ZNF107: variants seen among roughly 807,000 people sequenced by gnomAD.
ZNF107 encodes zinc finger protein 107, also known as C2H2 type zinc-finger protein.
ZNF107 carries 19 observed loss-of-function variants against 12.3 expected under a neutral mutation model. That is an observed-to-expected ratio of 1.55 (90% CI 1.08 to 2.27). The LOEUF (loss-of-function observed/expected upper bound fraction) is 2.27. ZNF107 is among the 30% of genes most tolerant of loss of function. The probability of loss-of-function intolerance (pLI) is 0.00; values close to 1 mark genes in which losing one functional copy is unlikely to be tolerated. For missense variants in ZNF107, 958 were observed against 979.9 expected (o/e 0.98, Z 0.30); for synonymous variants, 317 against 330.5 (o/e 0.96, Z 0.44).
intron 1 of ZNF107, chr7:64,679,262 T>C (rs1171070335): frequency 1.0e-6 from 1 of 985,066 alleles, no homozygotes; most frequent in African/African-American, 1.7e-5. Flanking sequence ...TTCCCCCGAC[T>C]TCTTGAAGAG....
Position 64,691,276 on chromosome 7 carries a change from T to C in ZNF107, c.32T>C (p.Ile11Thr), listed in dbSNP as rs1790108781. 3.2e-6 allele frequency: 5 copies of C among 1,546,166 alleles called. No homozygotes were observed. The highest frequency in any genetic ancestry group is 1.4e-5 in the African/African-American group (1 of 71,882). MEPLTFKDVA[I>T]EFSLEEWQCL... ...CCACTGACATTTAAAGATGTCGCCA[T>C]AGAATTCTCTCTGGAGGAGTGGCAA... The change falls in exon 2 of 4, where the codon ATA (isoleucine) becomes ACA (threonine). Residue 11 changes from isoleucine to threonine, a missense_variant. Ile to Thr is a moderately conservative substitution (Grantham distance 89, BLOSUM62 -1). Transcript: ENST00000620827.
Position 64,708,999 on chromosome 7 carries a change from T to C in ZNF107, c.*343T>C. The C allele has an allele frequency of 2.2e-6, 1 of 454,294 alleles. No individual in the cohort carries two copies. Among genetic ancestry groups the C allele is most frequent in the Non-Finnish European group, 4.2e-6 (1 of 237,554 alleles). The allele number at this position is 454,294 out of a possible 1,614,324, so 28.1% of individuals were successfully genotyped here. A position where few individuals can be genotyped will look rare whatever the true frequency, so the allele number is the denominator to read the frequency against. ...ATGTGGCAATGCCTTTAATCAGTCC[T>C]CACACCTTTCTACACATAAGATAAT... is the stretch of plus-strand genomic sequence containing the variant. On this transcript the variant is annotated 3_prime_UTR_variant, in exon 4 of 4. Transcript: ENST00000620827.
intron 3 of ZNF107, among the ~76,000 whole-genome samples, chr7:64,702,414 C>T (rs564592939): frequency 2.1e-4 from 32 of 152,262 alleles, no homozygotes; most frequent in Middle Eastern, 6.8e-3. Flanking sequence ...GGATTACAGG[C>T]GTGAGCCACC....
At position 64,666,173 on chromosome 7, in the gene ZNF107, C is replaced by T. The variant is rs73361866; in HGVS notation, c.-110C>T. 0.013 allele frequency: 18,551 copies of T among 1,457,784 alleles called. 1,105 individuals carry two copies. In the African/African-American group the frequency reaches 0.14, roughly 11 times the overall value. 90.3% of individuals were successfully genotyped at this position (1,457,784 alleles called of 1,614,324 possible). A position where few individuals can be genotyped will look rare whatever the true frequency, so the allele number is the denominator to read the frequency against. On this transcript the variant is annotated 5_prime_UTR_variant, in exon 1 of 4. Coordinates refer to ENST00000620827, the MANE Select transcript of ZNF107 (RefSeq NM_001282359.2). Reference sequence around the variant, plus strand: ...TGCAGCCGGAGCTCCTGCTCTCCTCCTCACTGCTCAGTGTCCTCTGCTCCT... The same window carrying T: ...TGCAGCCGGAGCTCCTGCTCTCCTCTTCACTGCTCAGTGTCCTCTGCTCCT...
rs1790799413 is a variant in ZNF107 at position 64,709,061 on chromosome 7, TG to T, written c.*407del. On this transcript the variant is annotated 3_prime_UTR_variant, in exon 4 of 4. Coordinates refer to ENST00000620827, the MANE Select transcript of ZNF107 (RefSeq NM_001282359.2). The stretch of plus-strand genomic sequence containing the variant: ...AGGAACTCTATAGTTGTGAAGAATG[TG>T]GCAAAGCTTTTAACCAATCCTCATA... 2.2e-6 allele frequency: 1 copy of T among 461,618 alleles called. No homozygotes were observed. The highest frequency in any genetic ancestry group is 2.0e-5 in the African/African-American group (1 of 49,724). 28.6% of individuals were successfully genotyped at this position (461,618 alleles called of 1,614,324 possible). A position where few individuals can be genotyped will look rare whatever the true frequency, so the allele number is the denominator to read the frequency against.
Position 64,708,211 on chromosome 7 carries a change from A to G in ZNF107, c.2114A>G (p.Tyr705Cys), listed in dbSNP as rs773365640. ...HKRIHTGEKP[Y>C]QCAECGKAFN... is the part of the protein sequence containing the mutation. ...AGAATTCATACGGGAGAGAAACCTT[A>G]CCAATGTGCAGAATGTGGCAAAGCC... Residue 705 changes from tyrosine to cysteine, a missense_variant, in exon 4 of 4, where the codon TAC (tyrosine) becomes TGC (cysteine). Transcript: ENST00000620827. 1 of 1,613,358 alleles carries G rather than the reference A, an allele frequency of 6.2e-7. No individual in the cohort carries two copies. The highest frequency in any genetic ancestry group is 1.1e-5 in the South Asian group (1 of 91,004).
intron 1 of ZNF107, 141 bp downstream of exon 1, chr7:64,666,426 G>C: frequency 8.5e-7 from 1 of 1,178,462 alleles, no homozygotes. Flanking sequence ...AGTCCCCCGC[G>C]GCCCCGAGTT....
chr7:64,668,997 A>ATT lies in ZNF107; in HGVS notation c.3+2747_3+2748dup, dbSNP rs55942111. On this transcript the variant is annotated intron_variant, in intron 1 of 3. Transcript: ENST00000620827. Reference sequence around the variant, plus strand: ...ATCTTGATTTGTGAGGATAACGCTAATTTTTTTTTTTTTTTTTTTTTTTTT... The same window carrying ATT: ...ATCTTGATTTGTGAGGATAACGCTAATTTTTTTTTTTTTTTTTTTTTTTTTTT... 3.3e-4 allele frequency: 19 copies of ATT among 57,644 alleles called. 1 individual carries two copies. Among genetic ancestry groups the ATT allele is most frequent in the Non-Finnish European group, 4.7e-4 (16 of 34,012 alleles). The allele number at this position is 57,644 out of a possible 1,614,324, so 3.6% of individuals were successfully genotyped here.
intron 1 of ZNF107, chr7:64,686,556 G>A: frequency 1.0e-6 from 1 of 985,394 alleles, no homozygotes. Flanking sequence ...CAAAAAGACA[G>A]GAATGTCATA....
At chr7:64,691,647 C>T (rs774074420) in intron 2 of ZNF107, among the ~76,000 whole-genome samples, 3 of 152,100 alleles carry the variant, frequency 2.0e-5, no homozygotes, top group Non-Finnish European at 2.9e-5. Flanking sequence ...TTGTTGCCCA[C>T]GCCTTAAAAT....
Position 64,691,964 on chromosome 7 carries a change from G to A in ZNF107, c.226+4G>A, listed in dbSNP as rs1306930529. On this transcript the variant is annotated splice_donor_region_variant and intron_variant, in intron 3 of 3. Transcript: ENST00000620827. The stretch of plus-strand genomic sequence containing the variant: ...GAGATGGTAGCCAAACCCCCAGGTA[G>A]GTGAGAGTGAAAGTGAATACAACAG... The A allele has an allele frequency of 6.7e-7, 1 of 1,499,006 alleles. No individual in the cohort carries two copies. Among genetic ancestry groups the A allele is most frequent in the Non-Finnish European group, 8.9e-7 (1 of 1,123,136 alleles). 92.9% of individuals were successfully genotyped at this position (1,499,006 alleles called of 1,614,324 possible).
intron 3 of ZNF107, among the ~76,000 whole-genome samples, chr7:64,694,774 CTG>C (rs1450710778): frequency 1.3e-5 from 2 of 152,032 alleles, no homozygotes; most frequent in African/African-American, 2.4e-5. Flanking sequence ...TGATGTCACT[CTG>C]TATACATTTT....
At chr7:64,670,086 C>T (rs532688079) in intron 1 of ZNF107, among the ~76,000 whole-genome samples, 22 of 152,058 alleles carry the variant, frequency 1.4e-4, no homozygotes, top group Non-Finnish European at 2.6e-4. Context: ...ATGCAGTTAA[C>T]GTTAAGATGG....
intron 1 of ZNF107, among the ~76,000 whole-genome samples, chr7:64,678,272 G>A (rs1156641114): frequency 6.6e-6 from 1 of 152,138 alleles, no homozygotes; most frequent in Admixed American, 6.5e-5. Context: ...TAGCAGTACT[G>A]AATAATGAGG....
Position 64,693,655 on chromosome 7 carries a change from G to A in ZNF107, c.226+1695G>A, listed in dbSNP as rs572333161. ...GGATAGACTGAATGTCCTTCAGGAT[G>A]TTGCTCTGCAGGGCAGATATTAGGG... On this transcript the variant is annotated intron_variant, in intron 3 of 3. Coordinates refer to ENST00000620827, the MANE Select transcript of ZNF107 (RefSeq NM_001282359.2). Among the ~76,000 whole-genome samples, 7 of 152,258 alleles carry A rather than the reference G, an allele frequency of 4.6e-5. No individual in the cohort carries two copies. In the East Asian group the frequency reaches 9.7e-4, roughly 21 times the overall value.
Position 64,672,402 on chromosome 7 carries a change from G to A in ZNF107, c.3+6117G>A, listed in dbSNP as rs1451998851. On this transcript the variant is annotated intron_variant, in intron 1 of 3. Transcript: ENST00000620827. ...GACAGGGTCTCATCTTGTCACACAG[G>A]CTGAAGTGCAGTGGTGTGATCTTGG... Among the ~76,000 whole-genome samples, 5 of 152,018 alleles carry A rather than the reference G, an allele frequency of 3.3e-5. No homozygotes were observed. In the East Asian group the frequency reaches 5.8e-4, roughly 18 times the overall value.
intron 1 of ZNF107, among the ~76,000 whole-genome samples, chr7:64,681,704 C>A (rs1039126873): frequency 6.6e-6 from 1 of 152,076 alleles, no homozygotes; most frequent in African/African-American, 2.4e-5. Flanking sequence ...GCCTTTTTAC[C>A]CACTTTTTAC....
intron 1 of ZNF107, among the ~76,000 whole-genome samples, chr7:64,679,502 A>G (rs1159617446): frequency 6.6e-6 from 1 of 152,130 alleles, no homozygotes; most frequent in African/African-American, 2.4e-5. Flanking sequence ...CCACTCATCC[A>G]CTGCACAACC....
chr7:64,700,241 G>A (rs1428898615), intron 3 of ZNF107, among the ~76,000 whole-genome samples: 1 of 151,878 alleles, frequency 6.6e-6, no homozygotes, highest in Non-Finnish European at 1.5e-5. Context: ...TGGGCCATGG[G>A]GCCAACTTCC....
Sources: gnomAD v4.1 joint callset for allele counts (sites outside exome capture counted in the v4.1 genomes callset) on GRCh38, gnomAD v4.1.1 for gene constraint, MANE v1.5 for transcripts, NCBI Gene and HGNC (gene_info 2026-07-23, HGNC 2026-07-21) for gene names.